RHBDD1: variants seen among roughly 807,000 people sequenced by gnomAD.
RHBDD1 encodes rhomboid domain containing 1, also known as rhomboid-related protein 4.
Under a neutral mutation model 36.3 loss-of-function variants are expected in RHBDD1, and 38 were observed. The observed-to-expected ratio is 1.05, with a 90% CI of 0.81 to 1.37. The LOEUF (loss-of-function observed/expected upper bound fraction) is 1.37, where lower values mean the gene tolerates loss of function less well. RHBDD1 is among the 40% of genes most tolerant of loss of function. RHBDD1 has a pLI of 0.00. For missense variants in RHBDD1, 393 were observed against 377.6 expected (o/e 1.04, Z -0.34); for synonymous variants, 151 against 136.5 (o/e 1.11, Z -0.74).
At chr2:226,882,020 C>CT (rs1945783401) in intron 5 of RHBDD1, among the ~76,000 whole-genome samples, 1 of 152,166 alleles carries the variant, frequency 6.6e-6, no homozygotes, top group Non-Finnish European at 1.5e-5. Context: ...ATGTTAGGTT[C>CT]TATAAGTAAT....
At chr2:226,843,458 T>A (rs1941890474) in intron 3 of RHBDD1, among the ~76,000 whole-genome samples, 1 of 152,206 alleles carries the variant, frequency 6.6e-6, no homozygotes, top group South Asian at 2.1e-4. Context: ...ATCCCTAGTT[T>A]ATTGAGAGTT....
intron 8 of RHBDD1, among the ~76,000 whole-genome samples, chr2:226,974,272 C>T (rs1247057348): frequency 6.9e-6 from 1 of 144,436 alleles, no homozygotes; most frequent in African/African-American, 2.6e-5. Context: ...GAGTCTCGCT[C>T]TGTCGCCCAG....
intron 5 of RHBDD1, among the ~76,000 whole-genome samples, chr2:226,892,231 G>C (rs976483606): frequency 5.3e-5 from 8 of 152,220 alleles, no homozygotes; most frequent in African/African-American, 1.9e-4. Flanking sequence ...CTGCTACAGA[G>C]TAGTATGTGA....
At chr2:226,892,596 G>A (rs1414106724) in intron 5 of RHBDD1, among the ~76,000 whole-genome samples, 3 of 152,144 alleles carry the variant, frequency 2.0e-5, no homozygotes, top group Non-Finnish European at 4.4e-5. Flanking sequence ...TAATTCTTAT[G>A]CAGCATTGCA....
rs572129922 is a variant in RHBDD1, at chr2:226,918,502, C to T, written c.856+4151C>T. On this transcript the variant is annotated intron_variant, in intron 8 of 8. Coordinates refer to ENST00000392062, the MANE Select transcript of RHBDD1 (RefSeq NM_001167608.3). The stretch of plus-strand genomic sequence containing the variant: ...CCAGCATCTGGTAACCGTCTTTTCA[C>T]TCTCTATCTCCATGAGTTTGTTTTA... Among the ~76,000 whole-genome samples the T allele has an allele frequency of 3.9e-5, 6 of 152,134 alleles. No homozygotes were observed. In the East Asian group the frequency reaches 1.2e-3, roughly 29 times the overall value.
intron 8 of RHBDD1, among the ~76,000 whole-genome samples, chr2:226,974,865 G>A (rs753407603): frequency 4.1e-4 from 62 of 152,164 alleles, no homozygotes; most frequent in Admixed American, 2.0e-3. Flanking sequence ...TCGCCAGTGC[G>A]TGGCTCAGGG....
rs61685494 is a variant in RHBDD1 at position 226,857,096 on chromosome 2, A to AGT, written c.-90-7489_-90-7488dup. 6.4e-3 allele frequency among the ~76,000 whole-genome samples: 957 copies of AGT among 150,098 alleles called. 7 individuals are homozygous for AGT. Among genetic ancestry groups the AGT allele is most frequent in the East Asian group, 0.055 (280 of 5,104 alleles). On this transcript the variant is annotated intron_variant, in intron 3 of 8. Coordinates refer to ENST00000392062, the MANE Select transcript of RHBDD1 (RefSeq NM_001167608.3). ...TAATTTTCTGTAGAAAGTGTAAGAG[A>AGT]GTGTGTGTGTGTGTGTGTGTTTGGG...
the RHBDD1 span, among the ~76,000 whole-genome samples, chr2:226,809,634 GGA>G: frequency 6.6e-6 from 1 of 151,908 alleles, no homozygotes; most frequent in South Asian, 2.1e-4. Flanking sequence ...AGAAAGAGAG[GGA>G]GAGAGAGAGA....
At chr2:226,801,536 C>G in the RHBDD1 span, among the ~76,000 whole-genome samples, 2 of 152,160 alleles carry the variant, frequency 1.3e-5, no homozygotes, top group Admixed American at 6.5e-5. Flanking sequence ...TTCCTGTTCC[C>G]GGTCGTCATG....
chr2:226,990,222 G>A (rs1032831312), intron 8 of RHBDD1, among the ~76,000 whole-genome samples: 1 of 152,066 alleles, frequency 6.6e-6, no homozygotes, highest in Non-Finnish European at 1.5e-5. Context: ...GGTCTTTGAC[G>A]GTAAATGACT....
At chr2:226,875,053 G>GT (rs1442415884) in intron 5 of RHBDD1, among the ~76,000 whole-genome samples, 2 of 152,098 alleles carry the variant, frequency 1.3e-5, no homozygotes, top group East Asian at 3.9e-4. Context: ...TTTATCTACC[G>GT]TAAGCCCTTC....
At chr2:226,897,482 T>G (rs1575004423) in intron 5 of RHBDD1, among the ~76,000 whole-genome samples, 1 of 152,184 alleles carries the variant, frequency 6.6e-6, no homozygotes, top group South Asian at 2.1e-4. Flanking sequence ...AAAAAATACC[T>G]GAATCTGGGT....
chr2:226,954,443 A>G (rs1395287266), intron 8 of RHBDD1, among the ~76,000 whole-genome samples: 2 of 152,224 alleles, frequency 1.3e-5, no homozygotes, highest in Non-Finnish European at 2.9e-5. Flanking sequence ...ACAAAGTAAT[A>G]GTTTTTAGCT....
At chr2:226,837,225 A>T (rs961068024) in intron 1 of RHBDD1, among the ~76,000 whole-genome samples, 1 of 152,264 alleles carries the variant, frequency 6.6e-6, no homozygotes, top group Non-Finnish European at 1.5e-5. Context: ...TGTTTAACAC[A>T]AAACACATAG....
At chr2:226,809,469 T>A in the RHBDD1 span, among the ~76,000 whole-genome samples, 19 of 152,210 alleles carry the variant, frequency 1.2e-4, no homozygotes, top group African/African-American at 4.3e-4. Flanking sequence ...GTAGGGATAA[T>A]TATGGCAACA....
chr2:226,819,525 G>T, the RHBDD1 span, among the ~76,000 whole-genome samples: 1 of 152,170 alleles, frequency 6.6e-6, no homozygotes, highest in Non-Finnish European at 1.5e-5. Flanking sequence ...TTCATCAATT[G>T]TAACAAATAT....
At chr2:226,871,953 G>A (rs529342508) in intron 5 of RHBDD1, among the ~76,000 whole-genome samples, 12 of 152,262 alleles carry the variant, frequency 7.9e-5, no homozygotes, top group South Asian at 2.1e-4. Context: ...GACATCATGC[G>A]GATAACTTGT....
chr2:226,852,031 A>C (rs1354442023), intron 3 of RHBDD1, among the ~76,000 whole-genome samples: 2 of 152,146 alleles, frequency 1.3e-5, no homozygotes, highest in African/African-American at 4.8e-5. Flanking sequence ...AGCCATGTGT[A>C]CTTTCTACCC....
chr2:226,867,397 A>G (rs985491495), intron 5 of RHBDD1, 79 bp downstream of exon 5: 11 of 1,408,624 alleles, frequency 7.8e-6, no homozygotes, highest in Non-Finnish European at 1.1e-5. Flanking sequence ...TAATGAGGTA[A>G]CCAATTGTTT....
Sources: allele counts gnomAD v4.1 joint callset (sites outside exome capture counted in the v4.1 genomes callset), GRCh38; gene constraint gnomAD v4.1.1; transcripts MANE v1.5; gene names NCBI Gene and HGNC (gene_info 2026-07-23, HGNC 2026-07-21).